Variants in CHST12 observed in about 807,000 individuals in gnomAD.
The protein encoded by CHST12 is carbohydrate (chondroitin 4) sulfotransferase 12.
In CHST12, 23 loss-of-function variants were observed where a neutral mutation model predicts 27.9. The observed-to-expected ratio is 0.82, with a 90% CI of 0.59 to 1.17. CHST12 has a LOEUF of 1.17. Ranked by LOEUF, CHST12 falls within the 50% of genes most tolerant of loss-of-function variation. The pLI is 0.00. For missense variants in CHST12, 682 were observed against 603.0 expected, an observed-to-expected ratio of 1.13 and a Z score of -1.37; for synonymous variants, 322 against 273.0, an observed-to-expected ratio of 1.18 and a Z score of -1.77.
chr7:2,432,706 A>G lies in CHST12; in HGVS notation c.67A>G (p.Ile23Val). 1 of 1,613,884 alleles carries G rather than the reference A, an allele frequency of 6.2e-7. No homozygotes were observed. Among genetic ancestry groups the G allele is most frequent in the Non-Finnish European group, 8.5e-7 (1 of 1,179,870 alleles). The change falls in exon 2 of 2, where the codon ATC becomes GTC. Residue 23 changes from isoleucine to valine, a missense_variant. Coordinates refer to ENST00000618655, the MANE Select transcript of CHST12 (RefSeq NM_018641.5). ...GTCGGTGTTCATGATCCTGCTGATC[A>G]TCGTGTACTGGGACAGCGCAGGCGC... ...LGSVFMILLI[I>V]VYWDSAGAAH... is the part of the protein sequence containing the mutation.
intron 1 of CHST12, among the ~76,000 whole-genome samples, chr7:2,413,897 T>A (rs193256068): frequency 8.9e-4 from 135 of 151,760 alleles, no homozygotes; most frequent in African/African-American, 3.1e-3. Context: ...CCCAGCTAAT[T>A]TTTGTATTTT....
At chr7:2,411,490 C>CTTT (rs79743047) in intron 1 of CHST12, among the ~76,000 whole-genome samples, 1 of 87,544 alleles carries the variant, frequency 1.1e-5, no homozygotes, top group African/African-American at 4.8e-5. Flanking sequence ...TAACTTAACT[C>CTTT]TTTTTTTTTT....
At chr7:2,411,065 ATTAT>A (rs1330278680) in intron 1 of CHST12, among the ~76,000 whole-genome samples, 1 of 151,852 alleles carries the variant, frequency 6.6e-6, no homozygotes, top group Non-Finnish European at 1.5e-5. Flanking sequence ...ACTTTTTTAA[ATTAT>A]TTATTTATTT....
chr7:2,409,244 A>T (rs1781602706), intron 1 of CHST12, among the ~76,000 whole-genome samples: 1 of 152,036 alleles, frequency 6.6e-6, no homozygotes, highest in South Asian at 2.1e-4. Flanking sequence ...TCGCCTTGGG[A>T]AGTCAGTCGC....
chr7:2,415,528 A>G (rs988634075), intron 1 of CHST12, among the ~76,000 whole-genome samples: 10 of 151,928 alleles, frequency 6.6e-5, no homozygotes, highest in African/African-American at 2.4e-4. Context: ...TTGCTGGTGG[A>G]GGGTCTTGTC....
rs1044901511 is a variant in CHST12 at position 2,436,496 on chromosome 7, G to A, written c.*2612G>A. On this transcript the variant is annotated 3_prime_UTR_variant, in exon 2 of 2. Transcript: ENST00000618655. ...ATGTCCCATTGTGTGGAAGAGGCAT[G>A]GTTTGTTTATCTGTTCATCAGTTGG... 1.5e-4 allele frequency: 23 copies of A among 152,276 alleles called. No individual in the cohort carries two copies. Among genetic ancestry groups the A allele is most frequent in the African/African-American group, 5.5e-4 (23 of 41,452 alleles). 9.4% of individuals were successfully genotyped at this position (152,276 alleles called of 1,614,324 possible).
chr7:2,407,068 A>C (rs1018713800), intron 1 of CHST12, among the ~76,000 whole-genome samples: 2 of 152,192 alleles, frequency 1.3e-5, no homozygotes, highest in Admixed American at 1.3e-4. Context: ...GAAATAAGAA[A>C]ATCAGTTAGT....
intron 1 of CHST12, among the ~76,000 whole-genome samples, chr7:2,429,871 C>T (rs913115520): frequency 3.9e-5 from 6 of 151,950 alleles, no homozygotes; most frequent in Admixed American, 3.3e-4. Flanking sequence ...CAGCCTTGAC[C>T]TCCTGGGCTC....
intron 1 of CHST12, among the ~76,000 whole-genome samples, chr7:2,418,668 C>G (rs556203313): frequency 1.3e-5 from 2 of 152,230 alleles, no homozygotes; most frequent in Non-Finnish European, 2.9e-5. Flanking sequence ...GCGGTTCTAT[C>G]GGACCCTTCC....
Position 2,430,776 on chromosome 7 carries a change from C to T in CHST12, c.-77-1787C>T, listed in dbSNP as rs190083561. 1.2e-4 allele frequency among the ~76,000 whole-genome samples: 18 copies of T among 152,238 alleles called. No homozygotes were observed. The East Asian group carries it at 3.3e-3, about 28-fold the overall frequency. Reference sequence around the variant, plus strand: ...CTAAATTTTGTAATTTCAGTAGAGACAGGGTTTCACCATGTTGGCCAGGCT... The same window carrying T: ...CTAAATTTTGTAATTTCAGTAGAGATAGGGTTTCACCATGTTGGCCAGGCT... On this transcript the variant is annotated intron_variant, in intron 1 of 1. Transcript: ENST00000618655.
intron 1 of CHST12, among the ~76,000 whole-genome samples, chr7:2,415,284 T>G (rs912434386): frequency 6.6e-6 from 1 of 151,722 alleles, no homozygotes; most frequent in Non-Finnish European, 1.5e-5. Context: ...GAGGATCACC[T>G]GAACCCCAGA....
At position 2,441,064 on chromosome 7, in the gene CHST12, A is replaced by C. The variant is rs1782592259; in HGVS notation, c.*7180A>C. On this transcript the variant is annotated 3_prime_UTR_variant, in exon 2 of 2. Transcript: ENST00000618655. Reference sequence around the variant, plus strand: ...AAGAGGTTCAAAGCGTGCAGGCCCCATGCTCCGTGAGAGCCTTGACCTGGG... The same window carrying C: ...AAGAGGTTCAAAGCGTGCAGGCCCCCTGCTCCGTGAGAGCCTTGACCTGGG... 6.6e-6 allele frequency: 1 copy of C among 152,188 alleles called. No homozygotes were observed. The highest frequency in any genetic ancestry group is 1.5e-5 in the Non-Finnish European group (1 of 68,066). 9.4% of individuals were successfully genotyped at this position (152,188 alleles called of 1,614,324 possible).
At chr7:2,425,220 CAACA>C (rs1353768838) in intron 1 of CHST12, among the ~76,000 whole-genome samples, 8 of 69,992 alleles carry the variant, frequency 1.1e-4, no homozygotes, top group Non-Finnish European at 2.1e-4. Context: ...AAAAAAAAAA[CAACA>C]AACAAAAAAA....
Position 2,420,376 on chromosome 7 carries a change from G to A in CHST12, c.-77-12187G>A, listed in dbSNP as rs1781938244. ...GAATTTCCTTTCTTTTGAAGGCTGA[G>A]TAATATTCTACTACATGGGTTGACC... is the stretch of plus-strand genomic sequence containing the variant. On this transcript the variant is annotated intron_variant, in intron 1 of 1. Coordinates refer to ENST00000618655, the MANE Select transcript of CHST12 (RefSeq NM_018641.5). 2.0e-5 allele frequency among the ~76,000 whole-genome samples: 3 copies of A among 152,288 alleles called. No individual in the cohort carries two copies. In the South Asian group the frequency reaches 6.2e-4, roughly 32 times the overall value.
chr7:2,411,488 C>CTTTTTT (rs1474771446), intron 1 of CHST12, among the ~76,000 whole-genome samples: 2 of 36,516 alleles, frequency 5.5e-5, no homozygotes, highest in Admixed American at 6.8e-4. Context: ...GTTAACTTAA[C>CTTTTTT]TCTTTTTTTT....
chr7:2,411,168 A>C (rs1008037948), intron 1 of CHST12, among the ~76,000 whole-genome samples: 6 of 152,046 alleles, frequency 3.9e-5, no homozygotes, highest in African/African-American at 1.4e-4. Flanking sequence ...CTGCAGCCTC[A>C]GCCTCCTGGG....
Position 2,445,887 on chromosome 7 carries a change from A to G in CHST12, c.*12003A>G, listed in dbSNP as rs1479311525. The stretch of plus-strand genomic sequence containing the variant: ...CTGTTGATGGGCACGCCAGGGTTTA[A>G]TGGACGGCTCTTTGAAGTCATGGGC... On this transcript the variant is annotated 3_prime_UTR_variant, in exon 2 of 2. Transcript: ENST00000618655. The G allele has an allele frequency of 6.6e-6, 1 of 152,210 alleles. No homozygotes were observed. The highest frequency in any genetic ancestry group is 1.5e-5 in the Non-Finnish European group (1 of 68,056). The allele number at this position is 152,210 out of a possible 1,614,324, so 9.4% of individuals were successfully genotyped here.
At chr7:2,409,315 A>G (rs1781604116) in intron 1 of CHST12, among the ~76,000 whole-genome samples, 1 of 152,136 alleles carries the variant, frequency 6.6e-6, no homozygotes, top group Non-Finnish European at 1.5e-5. Flanking sequence ...AGAATTAGCT[A>G]AAAAGAATTA....
At chr7:2,421,362 C>G (rs757978505) in intron 1 of CHST12, among the ~76,000 whole-genome samples, 9 of 151,014 alleles carry the variant, frequency 6.0e-5, no homozygotes, top group Non-Finnish European at 1.2e-4. Context: ...CCTCTCACCT[C>G]AGCCTCCTAA....
Sources: allele counts gnomAD v4.1 joint callset (sites outside exome capture counted in the v4.1 genomes callset), GRCh38; gene constraint gnomAD v4.1.1; transcripts MANE v1.5; gene names NCBI Gene and HGNC (gene_info 2026-07-23, HGNC 2026-07-21).